Variants in DHCR7 observed in about 807,000 individuals in gnomAD.
DHCR7 encodes 7-dehydrocholesterol reductase, also known as 7-DHC reductase.
Under a neutral mutation model 43.3 loss-of-function variants are expected in DHCR7, and 40 were observed. The observed-to-expected ratio is 0.92, with a 90% CI of 0.72 to 1.20. The LOEUF (loss-of-function observed/expected upper bound fraction) is 1.20, where lower values mean the gene tolerates loss of function less well. Ranked by LOEUF, DHCR7 falls within the 50% of genes most tolerant of loss-of-function variation. The pLI, the probability that DHCR7 is intolerant of heterozygous loss-of-function variation, is 0.00. For missense variants in DHCR7, 608 were observed against 644.6 expected (o/e 0.94, Z 0.62); for synonymous variants, 298 against 271.4 (o/e 1.10, Z -0.96).
In DHCR7 at chr11:71,441,623, C is replaced by T. The variant is rs77191942; in HGVS notation, c.413-183G>A. On this transcript the variant is annotated intron_variant, in intron 5 of 8. Coordinates refer to ENST00000355527, the MANE Select transcript of DHCR7 (RefSeq NM_001360.3). ...ATACCCTTGGCCAAGGAACTACCTG[C>T]TCCTAGGAAGAGGGAGGGGAGGCTG... 9.0e-3 allele frequency among the ~76,000 whole-genome samples: 1,371 copies of T among 152,290 alleles called. 21 individuals are homozygous for T. The highest frequency in any genetic ancestry group is 0.031 in the African/African-American group (1,304 of 41,564).
chr11:71,431,386 CCT>C (rs1040546240), downstream of DHCR7, among the ~76,000 whole-genome samples: 4 of 152,216 alleles, frequency 2.6e-5, no homozygotes, highest in Non-Finnish European at 5.9e-5. Context: ...CGGGGATCCA[CCT>C]CTGTCTGCTG....
chr11:71,439,643 C>T lies in DHCR7; in HGVS notation c.627-560G>A, dbSNP rs76308763. Among the ~76,000 whole-genome samples, 503 of 152,292 alleles carry T rather than the reference C, an allele frequency of 3.3e-3. 5 individuals carry two copies. Among genetic ancestry groups the T allele is most frequent in the African/African-American group, 0.012 (487 of 41,544 alleles). ...CCAGTTACCTGAATCCCCCAATCCC[C>T]GGAGGGCCAGAGCATCAGCCGAGAT... On this transcript the variant is annotated intron_variant, in intron 6 of 8. Transcript: ENST00000355527.
chr11:71,441,478 A>G (rs1949347979), intron 5 of DHCR7, 38 bp from the exon 6 acceptor site: 1 of 1,532,960 alleles, frequency 6.5e-7, no homozygotes, highest in Non-Finnish European at 8.9e-7. Flanking sequence ...GCGCTTTCCC[A>G]ACCCGCAGTG....
rs139787408 is a variant in DHCR7, at chr11:71,438,888, G to T, written c.822C>A (p.Asn274Lys). The T allele has an allele frequency of 6.2e-6, 10 of 1,613,782 alleles. No individual in the cohort carries two copies. The highest frequency in any genetic ancestry group is 7.6e-6 in the Non-Finnish European group (9 of 1,180,016). ...SHVTNAMVLV[N>K]VLQAIYVIDF... is the part of the protein sequence containing the mutation. ...CAGCCATGACAGGCACCTGCAGGAC[G>T]TTGACCAGGACCATGGCATTGGTCA... Residue 274 changes from asparagine (N) to lysine (K), a missense_variant, in exon 7 of 9, where the codon AAC becomes AAA. Coordinates refer to ENST00000355527, the MANE Select transcript of DHCR7 (RefSeq NM_001360.3).
At chr11:71,428,992 AG>A in intron 2 of DHCR7, 1 of 366,316 alleles carries the variant, frequency 2.7e-6, no homozygotes. Flanking sequence ...AAGTGTGCTC[AG>A]GGGTAGGAAG....
rs145901607 is a variant in DHCR7, at chr11:71,435,816, G to T, written c.987C>A (p.Pro329=). Residue 329 remains proline (P), a synonymous_variant, in exon 9 of 9, where the codon CCC becomes CCA. Coordinates refer to ENST00000355527, the MANE Select transcript of DHCR7 (RefSeq NM_001360.3). ...TLQGLYLVYH[P]VQLSTPHAVG... is the part of the protein sequence containing the mutation. ...CGGCGTGCGGGGTGGACAGCTGCAC[G>T]GGGTGGTACACCAAGTACAGACCCT... is the stretch of plus-strand genomic sequence containing the variant. 1.9e-6 allele frequency: 3 copies of T among 1,604,210 alleles called. No individual in the cohort carries two copies. Among genetic ancestry groups the T allele is most frequent in the Non-Finnish European group, 2.6e-6 (3 of 1,174,500 alleles).
chr11:71,430,907 C>A (rs1216612856), downstream of DHCR7, among the ~76,000 whole-genome samples: 1 of 152,254 alleles, frequency 6.6e-6, no homozygotes, highest in Non-Finnish European at 1.5e-5. Context: ...GTAATCCCAG[C>A]ACTTTGGGAG....
rs1427321619 is a variant in DHCR7 at position 71,441,352 on chromosome 11, C to G, written c.501G>C (p.Trp167Cys). The G allele has an allele frequency of 5.6e-6, 9 of 1,614,082 alleles. No individual in the cohort carries two copies. Among genetic ancestry groups the G allele is most frequent in the Middle Eastern group, 1.6e-4 (1 of 6,084 alleles). The change falls in exon 6 of 9, where the codon TGG becomes TGC. Residue 167 changes from tryptophan to cysteine, a missense_variant. Physicochemically the swap from Trp to Cys is radical, Grantham distance 215 (BLOSUM62 -2). Transcript: ENST00000355527. Reference protein sequence around the residue: ...LWFANAHLLSWFSPTIIFDNW... With the variant: ...LWFANAHLLSCFSPTIIFDNW... ...TGTCGAAGATGATGGTGGGCGAGAA[C>G]CAGGACAGGAGATGAGCGTTTGCAA...
chr11:71,445,617 TCTA>T (rs1241891955), intron 2 of DHCR7, among the ~76,000 whole-genome samples: 1 of 152,228 alleles, frequency 6.6e-6, no homozygotes, highest in Non-Finnish European at 1.5e-5. Context: ...TCTTCATTGT[TCTA>T]CTACCAGGGC....
intron 2 of DHCR7, among the ~76,000 whole-genome samples, chr11:71,446,254 C>A: frequency 4.3e-5 from 2 of 46,054 alleles, no homozygotes; most frequent in Non-Finnish European, 8.4e-5. Flanking sequence ...AGAAACCTTA[C>A]CAAATGAAAA....
Position 71,435,623 on chromosome 11 carries a change from G to C in DHCR7, c.1180C>G (p.Leu394Val). 1 of 1,611,364 alleles carries C rather than the reference G, an allele frequency of 6.2e-7. No homozygotes were observed. The highest frequency in any genetic ancestry group is 8.5e-7 in the Non-Finnish European group (1 of 1,179,828). ...SADGQRHHSK[L>V]LVSGFWGVAR... ...ACGCCCCAGAAGCCCGACACCAGCA[G>C]CTTGCTGTGGTGCCTCTGCCCATCG... Residue 394 changes from leucine to valine, a missense_variant, in exon 9 of 9, where the codon CTG (leucine) becomes GTG (valine). Physicochemically the swap from Leu to Val is conservative, Grantham distance 32. Transcript: ENST00000355527.
At chr11:71,428,703 T>C (rs1949212986) in exon 3 of DHCR7, 1 of 381,500 alleles carries the variant, frequency 2.6e-6, no homozygotes, top group Non-Finnish European at 5.1e-6. Context: ...TCCCTGCAGC[T>C]CCCTGCAGCT....
intron 4 of DHCR7, among the ~76,000 whole-genome samples, chr11:71,443,081 C>A (rs2135946228): frequency 6.6e-6 from 1 of 152,352 alleles, no homozygotes; most frequent in East Asian, 1.9e-4. Context: ...GCTTCTCTCG[C>A]TCAGCAGTGT....
At chr11:71,439,998 C>T (rs1327195342) in intron 6 of DHCR7, among the ~76,000 whole-genome samples, 1 of 152,070 alleles carries the variant, frequency 6.6e-6, no homozygotes, top group Non-Finnish European at 1.5e-5. Context: ...CACAAGAGAA[C>T]CCCCCAAACA....
In DHCR7 at chr11:71,439,020, C is replaced by G. The variant is rs773393807; in HGVS notation, c.690G>C (p.Gly230=). Residue 230 remains glycine, a synonymous_variant, in exon 7 of 9, where the codon GGG becomes GGC. Coordinates refer to ENST00000355527, the MANE Select transcript of DHCR7 (RefSeq NM_001360.3). ...AGAACAGCTTGAAGTCAAACCACTT[C>G]CCGATCCGAGGGTTAAACTCGATGC... The part of the protein sequence containing the change: ...MMGIEFNPRI[G]KWFDFKLFFN... The G allele has an allele frequency of 9.9e-6, 16 of 1,614,006 alleles. No homozygotes were observed. In the African/African-American group the frequency reaches 1.9e-4, roughly 19 times the overall value.
At chr11:71,438,494 C>T (rs1030598383) in intron 7 of DHCR7, among the ~76,000 whole-genome samples, 1 of 152,162 alleles carries the variant, frequency 6.6e-6, no homozygotes, top group African/African-American at 2.4e-5. Flanking sequence ...GGTCAGGATG[C>T]GGGATGTTTC....
In DHCR7 at chr11:71,442,289, A is replaced by G. The variant is rs757703242; in HGVS notation, c.386T>C (p.Ile129Thr). 2 of 1,613,718 alleles carry G rather than the reference A, an allele frequency of 1.2e-6. No individual in the cohort carries two copies. Among genetic ancestry groups the G allele is most frequent in the Non-Finnish European group, 1.7e-6 (2 of 1,179,816 alleles). The change falls in exon 5 of 9, where the codon ATC becomes ACC. Residue 129 changes from isoleucine (I) to threonine (T), a missense_variant. Ile to Thr is a moderately conservative substitution (Grantham distance 89, BLOSUM62 -1). Transcript: ENST00000355527. ...TGCAGGAGTCACGGCCCCCTCCTGG[A>G]TGCCTCCTACGTAGCCGGGTAGAAA... is the stretch of plus-strand genomic sequence containing the variant. ...HKFLPGYVGG[I>T]QEGAVTPAGV...
At chr11:71,446,730 C>T (rs549793481) in intron 2 of DHCR7, among the ~76,000 whole-genome samples, 1 of 152,258 alleles carries the variant, frequency 6.6e-6, no homozygotes, top group Non-Finnish European at 1.5e-5. Context: ...ACCCGCACTT[C>T]ATTCAATTTA....
downstream of DHCR7, among the ~76,000 whole-genome samples, chr11:71,430,249 G>T (rs1186051142): frequency 4.6e-5 from 7 of 152,302 alleles, no homozygotes; most frequent in Admixed American, 1.3e-4. Flanking sequence ...GGTTTTTCTT[G>T]GTCCTTTCAC....
Sources: gnomAD v4.1 joint callset for allele counts (sites outside exome capture counted in the v4.1 genomes callset) on GRCh38, gnomAD v4.1.1 for gene constraint, MANE v1.5 for transcripts, NCBI Gene and HGNC (gene_info 2026-07-23, HGNC 2026-07-21) for gene names.